Variants in CPNE4 observed in about 807,000 individuals in gnomAD.
CPNE4 encodes the protein copine-4.
Under a neutral mutation model 67.9 loss-of-function variants are expected in CPNE4, and 25 were observed. That is an observed-to-expected ratio of 0.37 (90% CI 0.27 to 0.51). CPNE4 has a LOEUF of 0.51. CPNE4 is among the 20% of genes least tolerant of loss of function. CPNE4 has a pLI of 0.93. For synonymous variants in CPNE4, 242 were observed against 244.9 expected, an observed-to-expected ratio of 0.99 and a Z score of 0.11; for missense variants, 464 against 690.8, an observed-to-expected ratio of 0.67 and a Z score of 3.68.
At chr3:131,783,228 C>T (rs1159562629) in intron 2 of CPNE4, among the ~76,000 whole-genome samples, 1 of 152,108 alleles carries the variant, frequency 6.6e-6, no homozygotes, top group Admixed American at 6.6e-5. Flanking sequence ...CTATAATAAG[C>T]AAGTACTAAT....
chr3:131,910,668 C>T (rs72991383), intron 1 of CPNE4, among the ~76,000 whole-genome samples: 7,422 of 152,162 alleles, frequency 0.049, 597 homozygotes, highest in African/African-American at 0.17. Context: ...TTTGCTGCTT[C>T]CTCCCCTTGG....
At chr3:131,795,828 A>G (rs2083904190) in intron 2 of CPNE4, among the ~76,000 whole-genome samples, 1 of 152,200 alleles carries the variant, frequency 6.6e-6, no homozygotes, top group African/African-American at 2.4e-5. Context: ...CTTATAGCTC[A>G]CTAAATATGT....
intron 3 of CPNE4, among the ~76,000 whole-genome samples, chr3:131,706,641 C>T (rs931586049): frequency 3.3e-5 from 5 of 152,084 alleles, no homozygotes; most frequent in African/African-American, 1.2e-4. Context: ...GGATTCAGGC[C>T]CAGCTGACCA....
intron 6 of CPNE4, among the ~76,000 whole-genome samples, chr3:131,681,443 G>A (rs183816878): frequency 9.2e-5 from 14 of 152,250 alleles, no homozygotes; most frequent in Admixed American, 8.5e-4. Flanking sequence ...CTTTAAATAT[G>A]TTACACCACT....
At chr3:131,840,408 T>C (rs773434948) in intron 2 of CPNE4, among the ~76,000 whole-genome samples, 1 of 152,204 alleles carries the variant, frequency 6.6e-6, no homozygotes, top group Non-Finnish European at 1.5e-5. Flanking sequence ...TCAGCCAAAA[T>C]ATTTATCAAC....
chr3:131,585,633 C>T (rs1225878801), intron 8 of CPNE4, among the ~76,000 whole-genome samples: 1 of 152,058 alleles, frequency 6.6e-6, no homozygotes, highest in Non-Finnish European at 1.5e-5. Flanking sequence ...ATATTTACTG[C>T]TTGGACTATT....
chr3:131,613,136 T>A (rs1167574883), intron 7 of CPNE4, among the ~76,000 whole-genome samples: 1 of 152,202 alleles, frequency 6.6e-6, no homozygotes, highest in East Asian at 1.9e-4. Context: ...TTGAGTTACC[T>A]TGAAAACAGA....
At chr3:131,620,809 G>C (rs1940423660) in intron 7 of CPNE4, among the ~76,000 whole-genome samples, 1 of 152,156 alleles carries the variant, frequency 6.6e-6, no homozygotes, top group African/African-American at 2.4e-5. Context: ...AACAGCAAAT[G>C]ATTCTTTCCT....
chr3:131,685,918 C>G lies in CPNE4; in HGVS notation c.548G>C (p.Arg183Pro). 6.2e-7 allele frequency: 1 copy of G among 1,613,180 alleles called. No individual in the cohort carries two copies. The highest frequency in any genetic ancestry group is 8.5e-7 in the Non-Finnish European group (1 of 1,179,298). The change falls in exon 6 of 16, where the codon CGT becomes CCT. Residue 183 changes from arginine to proline, a missense_variant. Around this residue, in one of 6 missense-constraint regions of CPNE4, gnomAD observed 58 missense variants for 63.5 expected, o/e 0.91. Coordinates refer to ENST00000429747, the MANE Select transcript of CPNE4 (RefSeq NM_130808.3). ...CTGCTGAGTTGCATCATCATTCATA[C>G]GAAAAATTTCCAGAAATGGGTCAGA... Reference protein sequence around the residue: ...SKSDPFLEIFRMNDDATQQLV... With the variant: ...SKSDPFLEIFPMNDDATQQLV...
At chr3:131,670,894 C>T (rs994794860) in intron 6 of CPNE4, among the ~76,000 whole-genome samples, 8 of 152,044 alleles carry the variant, frequency 5.3e-5, no homozygotes, top group Non-Finnish European at 1.2e-4. Flanking sequence ...TCACTACAAC[C>T]TCTCCTGCAT....
chr3:131,655,013 T>C (rs1003404380), intron 7 of CPNE4, among the ~76,000 whole-genome samples: 4 of 152,122 alleles, frequency 2.6e-5, no homozygotes, highest in African/African-American at 9.7e-5. Context: ...CTTTGAGTAA[T>C]TGAATTGGAG....
chr3:132,026,055 T>C (rs1276849781), intron 1 of CPNE4, among the ~76,000 whole-genome samples: 1 of 152,240 alleles, frequency 6.6e-6, no homozygotes, highest in East Asian at 1.9e-4. Context: ...GTCATACAAC[T>C]TCATATATCA....
intron 7 of CPNE4, among the ~76,000 whole-genome samples, chr3:131,624,475 C>T (rs2079010784): frequency 1.3e-5 from 2 of 152,122 alleles, no homozygotes; most frequent in South Asian, 4.1e-4. Context: ...CCCTTTTCCC[C>T]AGAGCCTTTT....
chr3:131,857,486 T>C (rs946958348), intron 2 of CPNE4, among the ~76,000 whole-genome samples: 1 of 151,478 alleles, frequency 6.6e-6, no homozygotes, highest in African/African-American at 2.4e-5. Flanking sequence ...AAGTGAGCAA[T>C]GAACTGGGAA....
At chr3:131,961,762 A>G (rs550219135) in intron 1 of CPNE4, among the ~76,000 whole-genome samples, 69 of 152,286 alleles carry the variant, frequency 4.5e-4, no homozygotes, top group African/African-American at 1.6e-3. Flanking sequence ...AATGACCTTA[A>G]AGACAGACTA....
intron 2 of CPNE4, among the ~76,000 whole-genome samples, chr3:131,875,221 T>TAA (rs567513329): frequency 1.3e-5 from 2 of 148,754 alleles, no homozygotes; most frequent in African/African-American, 4.9e-5. Context: ...CATTATCACT[T>TAA]AAAAAAAAAA....
chr3:131,746,661 C>A (rs2082497069), intron 2 of CPNE4, among the ~76,000 whole-genome samples: 1 of 152,062 alleles, frequency 6.6e-6, no homozygotes, highest in African/African-American at 2.4e-5. Context: ...TTTTCTTTAT[C>A]CATTCATCTG....
At chr3:131,817,881 T>G (rs1244125005) in intron 2 of CPNE4, among the ~76,000 whole-genome samples, 1 of 152,154 alleles carries the variant, frequency 6.6e-6, no homozygotes, top group African/African-American at 2.4e-5. Flanking sequence ...AGAGTATAAA[T>G]AAAAGAAACA....
chr3:131,580,327 G>T (rs1004467460), intron 9 of CPNE4, among the ~76,000 whole-genome samples: 6 of 152,022 alleles, frequency 3.9e-5, no homozygotes, highest in Non-Finnish European at 5.9e-5. Flanking sequence ...GAAAGAATGT[G>T]TATGACTTGC....
Sources: allele counts gnomAD v4.1 joint callset (sites outside exome capture counted in the v4.1 genomes callset), GRCh38; gene constraint gnomAD v4.1.1; regional missense constraint gnomAD v4.1.1; transcripts MANE v1.5; gene names NCBI Gene and HGNC (gene_info 2026-07-23, HGNC 2026-07-21).